Variants in THSD4 observed in about 807,000 individuals in gnomAD.
THSD4 encodes thrombospondin type-1 domain-containing protein 4.
A neutral mutation model predicts 119.0 loss-of-function variants in THSD4; 69 were observed. That is an observed-to-expected ratio of 0.58 (90% CI 0.48 to 0.71). The LOEUF (loss-of-function observed/expected upper bound fraction) is 0.71, where lower values mean the gene tolerates loss of function less well. THSD4 is among the 30% of genes least tolerant of loss of function. THSD4 has a pLI of 0.00. For synonymous variants in THSD4, 524 were observed against 540.4 expected, an observed-to-expected ratio of 0.97 and a Z score of 0.42; for missense variants, 1,393 against 1,391.1, an observed-to-expected ratio of 1.00 and a Z score of -0.02.
intron 8 of THSD4, among the ~76,000 whole-genome samples, chr15:71,694,022 AAAAAG>A (rs1183533532): frequency 2.6e-5 from 4 of 152,032 alleles, no homozygotes; most frequent in African/African-American, 7.2e-5. Flanking sequence ...CTCAAAAAAA[AAAAAG>A]AAAGAAAGAA....
chr15:71,611,957 C>T (rs1176937626), intron 7 of THSD4, among the ~76,000 whole-genome samples: 1 of 152,160 alleles, frequency 6.6e-6, no homozygotes, highest in Non-Finnish European at 1.5e-5. Flanking sequence ...GTCTTGGAGG[C>T]TTTGAACTGA....
chr15:71,720,162 C>T (rs1051897823), intron 8 of THSD4, among the ~76,000 whole-genome samples: 4 of 150,754 alleles, frequency 2.7e-5, no homozygotes, highest in African/African-American at 9.8e-5. Context: ...GGGATCCTCT[C>T]GCCTCAGCCT....
At chr15:71,242,269 T>G (rs2044159432) in intron 4 of THSD4, among the ~76,000 whole-genome samples, 1 of 152,156 alleles carries the variant, frequency 6.6e-6, no homozygotes, top group Non-Finnish European at 1.5e-5. Context: ...GTGGCTGAAA[T>G]TGCAATCATA....
At chr15:71,546,967 G>A (rs2048846111) in intron 7 of THSD4, among the ~76,000 whole-genome samples, 2 of 152,148 alleles carry the variant, frequency 1.3e-5, no homozygotes, top group South Asian at 4.1e-4. Flanking sequence ...GGCTCTCCCC[G>A]TTCCCAGCCC....
chr15:71,606,021 A>C (rs2050104040), intron 7 of THSD4, among the ~76,000 whole-genome samples: 1 of 152,198 alleles, frequency 6.6e-6, no homozygotes, highest in South Asian at 2.1e-4. Flanking sequence ...ACCTGGGCCA[A>C]GTGTTCTGTT....
chr15:71,442,244 C>T (rs2047107393), intron 7 of THSD4, among the ~76,000 whole-genome samples: 1 of 151,866 alleles, frequency 6.6e-6, no homozygotes, highest in African/African-American at 2.4e-5. Context: ...AGACATGAGC[C>T]ACCGCACCCA....
chr15:71,230,817 C>A (rs1404267515), intron 4 of THSD4, among the ~76,000 whole-genome samples: 4 of 152,266 alleles, frequency 2.6e-5, no homozygotes, highest in African/African-American at 9.6e-5. Context: ...CTGGAAGCAT[C>A]TCTCTTTTAA....
At chr15:71,759,257 A>T (rs1418532148) in intron 15 of THSD4, among the ~76,000 whole-genome samples, 1 of 152,232 alleles carries the variant, frequency 6.6e-6, no homozygotes, top group Non-Finnish European at 1.5e-5. Context: ...TAAAATATAG[A>T]GAATTCAGAA....
intron 7 of THSD4, among the ~76,000 whole-genome samples, chr15:71,655,078 A>G (rs574533750): frequency 6.6e-6 from 1 of 152,320 alleles, no homozygotes; most frequent in African/African-American, 2.4e-5. Context: ...ATGGCTTGCG[A>G]TGTGTAAAAT....
At chr15:71,659,794 A>AG (rs1418382375) in intron 7 of THSD4, among the ~76,000 whole-genome samples, 2 of 152,244 alleles carry the variant, frequency 1.3e-5, no homozygotes, top group Non-Finnish European at 2.9e-5. Context: ...AAAAGATCTT[A>AG]GAATGAGTAA....
chr15:71,640,346 G>C (rs1011005703), intron 7 of THSD4, among the ~76,000 whole-genome samples: 7 of 152,020 alleles, frequency 4.6e-5, no homozygotes, highest in African/African-American at 1.7e-4. Context: ...CTCCCAAAGT[G>C]CTGGGACTAT....
chr15:71,555,184 G>A (rs2048999914), intron 7 of THSD4, among the ~76,000 whole-genome samples: 1 of 152,152 alleles, frequency 6.6e-6, no homozygotes, highest in African/African-American at 2.4e-5. Context: ...TGAATTGGCG[G>A]GTCATGGAGA....
chr15:71,446,298 T>C (rs1595776226), intron 7 of THSD4, among the ~76,000 whole-genome samples: 2 of 152,248 alleles, frequency 1.3e-5, no homozygotes, highest in East Asian at 3.9e-4. Flanking sequence ...ACTTTAATGG[T>C]CTTCCTTTAT....
At chr15:71,777,133 C>T (rs1311903667) in intron 17 of THSD4, 99 bp from the exon 18 acceptor site, 37 of 1,376,756 alleles carry the variant, frequency 2.7e-5, no homozygotes, top group East Asian at 1.4e-4. Context: ...TAAACAGCAG[C>T]GCAGGAGTTA....
At chr15:71,235,651 GAT>G (rs1567165104) in intron 4 of THSD4, among the ~76,000 whole-genome samples, 6 of 143,324 alleles carry the variant, frequency 4.2e-5, no homozygotes, top group South Asian at 2.2e-4. Flanking sequence ...GCAGTGGCAC[GAT>G]CTCAGCTCAC....
At chr15:71,568,793 A>G (rs1295865322) in intron 7 of THSD4, among the ~76,000 whole-genome samples, 2 of 151,986 alleles carry the variant, frequency 1.3e-5, no homozygotes, top group Non-Finnish European at 2.9e-5. Flanking sequence ...TCCTGTGTCC[A>G]AGTGTTCTCA....
chr15:71,283,318 T>C (rs936075852), intron 6 of THSD4, among the ~76,000 whole-genome samples: 12 of 152,156 alleles, frequency 7.9e-5, no homozygotes, highest in African/African-American at 2.7e-4. Flanking sequence ...GTCAAGCTCA[T>C]ATGGCCAATG....
At chr15:71,143,703 T>TC (rs913744078) in intron 2 of THSD4, among the ~76,000 whole-genome samples, 10 of 139,816 alleles carry the variant, frequency 7.2e-5, no homozygotes, top group South Asian at 2.2e-4. Flanking sequence ...TTTCTTTCTT[T>TC]TTTTTTTTTT....
At chr15:71,290,426 T>C (rs528690834) in intron 6 of THSD4, among the ~76,000 whole-genome samples, 2 of 64,448 alleles carry the variant, frequency 3.1e-5, no homozygotes, top group East Asian at 5.6e-4. Context: ...GTCATTTAGA[T>C]TTTTTTTTTC....
Sources: gnomAD v4.1 joint callset for allele counts (sites outside exome capture counted in the v4.1 genomes callset) on GRCh38, gnomAD v4.1.1 for gene constraint, MANE v1.5 for transcripts, NCBI Gene and HGNC (gene_info 2026-07-23, HGNC 2026-07-21) for gene names.